SAXO1: variants seen among roughly 807,000 people sequenced by gnomAD.
SAXO1 encodes the protein 4930500O09Rik.
SAXO1 carries 21 observed loss-of-function variants against 17.5 expected under a neutral mutation model. The ratio of observed to expected loss-of-function variants is 1.20; its 90% confidence interval spans 0.85 to 1.72. The LOEUF is 1.72. SAXO1 is among the 40% of genes most tolerant of loss of function. The probability of loss-of-function intolerance (pLI) is 0.00; values close to 1 mark genes in which losing one functional copy is unlikely to be tolerated. For missense variants in SAXO1, 843 were observed against 596.0 expected (o/e 1.41, Z -4.32); for synonymous variants, 274 against 216.5 (o/e 1.27, Z -2.33).
At chr9:18,951,968 C>T (rs774438000) in intron 1 of SAXO1, among the ~76,000 whole-genome samples, 3 of 152,006 alleles carry the variant, frequency 2.0e-5, no homozygotes, top group Non-Finnish European at 2.9e-5. Context: ...AACTTTATAC[C>T]TAGTGATGAA....
chr9:19,013,039 G>T (rs1307382728), intron 1 of SAXO1, among the ~76,000 whole-genome samples: 1 of 152,038 alleles, frequency 6.6e-6, no homozygotes, highest in African/African-American at 2.4e-5. Flanking sequence ...CTCCACCTAG[G>T]CTGAAGGTGG....
chr9:18,928,121 C>A lies in SAXO1; in HGVS notation c.1356G>T (p.Gln452His), dbSNP rs200904020. 2.5e-6 allele frequency: 4 copies of A among 1,614,168 alleles called. No homozygotes were observed. In the African/African-American group the frequency reaches 5.3e-5, roughly 22 times the overall value. ...IYKPVSQAGS[Q>H]QSSHLSVDDS... Reference sequence around the variant, plus strand: ...CATCTACAGAAAGATGGCTGCTCTGCTGAGAGCCTGCCTGGGAAACTGGTT... The same window carrying A: ...CATCTACAGAAAGATGGCTGCTCTGATGAGAGCCTGCCTGGGAAACTGGTT... The change falls in exon 4 of 4, where the codon CAG becomes CAT. Residue 452 changes from glutamine to histidine, a missense_variant. By Grantham distance (24) the Gln-to-His change is conservative. Transcript: ENST00000380534.
intron 1 of SAXO1, among the ~76,000 whole-genome samples, chr9:18,962,169 G>A (rs1377117971): frequency 6.6e-6 from 1 of 152,172 alleles, no homozygotes; most frequent in Non-Finnish European, 1.5e-5. Context: ...CTAGGTTCAA[G>A]TGATTCTCCT....
intron 1 of SAXO1, among the ~76,000 whole-genome samples, chr9:19,046,461 C>T (rs532453113): frequency 1.4e-4 from 21 of 151,312 alleles, no homozygotes; most frequent in African/African-American, 4.1e-4. Flanking sequence ...TTTGGGAGGC[C>T]GAGGCGGGCA....
intron 1 of SAXO1, among the ~76,000 whole-genome samples, chr9:19,005,703 T>C (rs1300608318): frequency 6.6e-6 from 1 of 152,148 alleles, no homozygotes; most frequent in Admixed American, 6.5e-5. Flanking sequence ...GGAAAAATCA[T>C]GACATTGGAT....
chr9:18,995,591 C>G (rs944773761), intron 1 of SAXO1, among the ~76,000 whole-genome samples: 2 of 152,320 alleles, frequency 1.3e-5, no homozygotes, highest in African/African-American at 4.8e-5. Context: ...GATTCCTAAA[C>G]CTGGCTGCAT....
chr9:19,026,939 G>C, intron 1 of SAXO1: 1 of 851,734 alleles, frequency 1.2e-6, no homozygotes, highest in Non-Finnish European at 2.0e-6. Context: ...CTGGGGTGGA[G>C]GTGCTCAACA....
At chr9:18,993,214 T>C (rs1230922746) in intron 1 of SAXO1, among the ~76,000 whole-genome samples, 1 of 152,030 alleles carries the variant, frequency 6.6e-6, no homozygotes, top group Non-Finnish European at 1.5e-5. Flanking sequence ...CAACACGTCA[T>C]CTAGGTTTTA....
intron 1 of SAXO1, among the ~76,000 whole-genome samples, chr9:18,997,292 C>T (rs1834047097): frequency 6.6e-6 from 1 of 152,264 alleles, no homozygotes; most frequent in Non-Finnish European, 1.5e-5. Flanking sequence ...AGGACATTCC[C>T]TCCTGTGCCT....
chr9:18,976,273 G>A (rs1034060038), intron 1 of SAXO1, among the ~76,000 whole-genome samples: 1 of 152,126 alleles, frequency 6.6e-6, no homozygotes, highest in African/African-American at 2.4e-5. Context: ...TGAAAAACTT[G>A]AGGGCTGAAA....
At chr9:19,016,248 G>A (rs1038444032) in intron 1 of SAXO1, among the ~76,000 whole-genome samples, 4 of 152,008 alleles carry the variant, frequency 2.6e-5, no homozygotes, top group African/African-American at 4.8e-5. Flanking sequence ...CCGGCCTGAC[G>A]AACATGGTGA....
chr9:19,033,570 C>G (rs769007861), upstream of SAXO1, among the ~76,000 whole-genome samples: 3 of 152,234 alleles, frequency 2.0e-5, no homozygotes, highest in Non-Finnish European at 2.9e-5. Flanking sequence ...GTTTCCAGAT[C>G]TTCCTGTGGA....
At chr9:18,966,245 T>G (rs1276984195) in intron 1 of SAXO1, among the ~76,000 whole-genome samples, 1 of 152,196 alleles carries the variant, frequency 6.6e-6, no homozygotes, top group Non-Finnish European at 1.5e-5. Context: ...TGGAGTATCT[T>G]TCTGGTGTTC....
At chr9:19,030,761 A>T (rs1228574720) in intron 1 of SAXO1, among the ~76,000 whole-genome samples, 4 of 152,198 alleles carry the variant, frequency 2.6e-5, no homozygotes, top group African/African-American at 9.7e-5. Context: ...AGGGAGAGTA[A>T]GAGATGATTC....
chr9:18,998,060 C>T (rs1834086149), intron 1 of SAXO1, among the ~76,000 whole-genome samples: 1 of 152,128 alleles, frequency 6.6e-6, no homozygotes, highest in South Asian at 2.1e-4. Context: ...TGCCCTTTCT[C>T]CTCCAAAGGA....
chr9:18,972,374 C>T (rs1055838336), intron 1 of SAXO1, among the ~76,000 whole-genome samples: 5 of 152,152 alleles, frequency 3.3e-5, no homozygotes, highest in African/African-American at 9.7e-5. Context: ...CTGAAGACTG[C>T]GCTCCATGAG....
In SAXO1 at chr9:18,928,945, G is replaced by A; in HGVS notation, c.532C>T (p.Pro178Ser). 4 of 1,614,160 alleles carry A rather than the reference G, an allele frequency of 2.5e-6. No homozygotes were observed. The highest frequency in any genetic ancestry group is 3.4e-6 in the Non-Finnish European group (4 of 1,180,032). The change falls in exon 4 of 4, where the codon CCC becomes TCC. Residue 178 changes from proline (P) to serine (S), a missense_variant. Physicochemically the swap from Pro to Ser is moderately conservative, Grantham distance 74. Coordinates refer to ENST00000380534, the MANE Select transcript of SAXO1 (RefSeq NM_153707.4). ...ATGGTCTTCACAAGGCCTTTTATGGGGTAATCGTCCTGGTGTGTGGTTCTG... is the reference window on the plus strand; with the variant it reads ...ATGGTCTTCACAAGGCCTTTTATGGAGTAATCGTCCTGGTGTGTGGTTCTG... ...DNRTTHQDDY[P>S]IKGLVKTISC...
chr9:18,967,093 T>C (rs866818514), intron 1 of SAXO1, among the ~76,000 whole-genome samples: 5 of 152,178 alleles, frequency 3.3e-5, no homozygotes, highest in South Asian at 2.1e-4. Flanking sequence ...ACAGCAAAGA[T>C]TGCTGCCTGC....
At chr9:18,971,483 A>G (rs12115321) in intron 1 of SAXO1, among the ~76,000 whole-genome samples, 3,034 of 152,258 alleles carry the variant, frequency 0.02, 94 homozygotes, top group African/African-American at 0.069. Context: ...AATGAATGGA[A>G]TGATTTTAGA....
Sources: gnomAD v4.1 joint callset for allele counts (sites outside exome capture counted in the v4.1 genomes callset) on GRCh38, gnomAD v4.1.1 for gene constraint, MANE v1.5 for transcripts, NCBI Gene and HGNC (gene_info 2026-07-23, HGNC 2026-07-21) for gene names.